Variants in RIMS2 observed in about 807,000 individuals in gnomAD.
The protein encoded by RIMS2 is regulating synaptic membrane exocytosis protein 2.
Under a neutral mutation model 174.4 loss-of-function variants are expected in RIMS2, and 59 were observed. The ratio of observed to expected loss-of-function variants is 0.34; its 90% CI spans 0.27 to 0.42. RIMS2 has a LOEUF of 0.42. RIMS2 is among the 10% of genes least tolerant of loss of function. RIMS2 has a pLI of 1.00. For synonymous variants in RIMS2, 606 were observed against 572.5 expected, an observed-to-expected ratio of 1.06 and a Z score of -0.84; for missense variants, 1,620 against 1,666.3, an observed-to-expected ratio of 0.97 and a Z score of 0.48.
At chr8:104,060,029 C>A (rs2096951010) in intron 19 of RIMS2, among the ~76,000 whole-genome samples, 1 of 151,746 alleles carries the variant, frequency 6.6e-6, no homozygotes, top group African/African-American at 2.4e-5. Context: ...GTCTAAAATT[C>A]TCTTTTTTGG....
At chr8:103,802,588 C>CT (rs1360562014) in intron 3 of RIMS2, among the ~76,000 whole-genome samples, 1 of 142,346 alleles carries the variant, frequency 7.0e-6, no homozygotes, top group African/African-American at 2.6e-5. Context: ...TTATTTAGAT[C>CT]TTTTTGTAAA....
intron 1 of RIMS2, among the ~76,000 whole-genome samples, chr8:103,532,035 G>A (rs1837428598): frequency 6.6e-6 from 1 of 152,174 alleles, no homozygotes; most frequent in Admixed American, 6.5e-5. Context: ...TAACTATTGT[G>A]TACTTCTAGT....
In RIMS2 at chr8:103,885,632, A is replaced by G. The variant is rs551774397; in HGVS notation, c.1033A>G (p.Lys345Glu). Residue 345 changes from lysine to glutamate, a missense_variant, in exon 4 of 24, where the codon AAG becomes GAG. Lys to Glu is a moderately conservative substitution (Grantham distance 56, BLOSUM62 1). Transcript: ENST00000504942. ...TCCGAATTTGGCCCGTTATCCAGTA[A>G]AGCCACAACCCTATGAAGAACAAAT... is the stretch of plus-strand genomic sequence containing the variant. The G allele has an allele frequency of 3.8e-5, 61 of 1,613,102 alleles. 1 individual carries two copies. In the South Asian group the frequency reaches 6.1e-4, roughly 16 times the overall value.
chr8:104,148,844 A>G (rs1275722616), intron 19 of RIMS2: 7 of 1,596,432 alleles, frequency 4.4e-6, no homozygotes, highest in Non-Finnish European at 5.9e-6. Flanking sequence ...AGCTCAGCCA[A>G]ACGGGTAGGA....
chr8:103,650,857 T>C (rs555055982), intron 1 of RIMS2, among the ~76,000 whole-genome samples: 1 of 152,340 alleles, frequency 6.6e-6, no homozygotes, highest in South Asian at 2.1e-4. Context: ...AGCCTGCTAC[T>C]ACCAGCTGGC....
At chr8:104,169,322 ATATATATATATATATAT>A (rs1219452399) in intron 19 of RIMS2, among the ~76,000 whole-genome samples, 1 of 57,804 alleles carries the variant, frequency 1.7e-5, no homozygotes, top group African/African-American at 7.6e-5. Context: ...ATATATATAT[ATATATATATATATATAT>A]AAAACAGATT....
chr8:103,863,095 G>A (rs2099066970), intron 3 of RIMS2, among the ~76,000 whole-genome samples: 1 of 152,120 alleles, frequency 6.6e-6, no homozygotes, highest in Non-Finnish European at 1.5e-5. Flanking sequence ...GATATTGGCT[G>A]TGGGTTTGTC....
intron 19 of RIMS2, among the ~76,000 whole-genome samples, chr8:104,084,255 A>G (rs1173931702): frequency 6.6e-6 from 1 of 151,978 alleles, no homozygotes; most frequent in East Asian, 1.9e-4. Flanking sequence ...ACCCTGGCCA[A>G]CATGGTGAAA....
chr8:103,983,446 C>T (rs78591425), intron 16 of RIMS2, among the ~76,000 whole-genome samples: 19,285 of 152,078 alleles, frequency 0.13, 1,684 homozygotes, highest in Non-Finnish European at 0.19. Flanking sequence ...CCAAAGCTAT[C>T]CTGAGCAAAA....
rs899763745 is a variant in RIMS2, at chr8:103,801,866, A to G, written c.698+35329A>G. Among the ~76,000 whole-genome samples the G allele has an allele frequency of 3.3e-5, 5 of 152,308 alleles. No individual in the cohort carries two copies. The South Asian group carries it at 6.2e-4, about 19-fold the overall frequency. ...TTTAACTATTTTATGCCAATATCCA[A>G]TGTCATAATCGGTGACATTTAATTG... On this transcript the variant is annotated intron_variant, in intron 3 of 23. Coordinates refer to ENST00000504942, the Ensembl canonical transcript of RIMS2.
At chr8:104,099,947 A>T (rs1049776556) in intron 19 of RIMS2, among the ~76,000 whole-genome samples, 3 of 151,448 alleles carry the variant, frequency 2.0e-5, no homozygotes, top group African/African-American at 7.3e-5. Flanking sequence ...CCTCCTGAAT[A>T]GTTGTGACTA....
intron 4 of RIMS2, among the ~76,000 whole-genome samples, chr8:103,905,910 G>A (rs1457863499): frequency 6.8e-6 from 1 of 147,468 alleles, no homozygotes; most frequent in Non-Finnish European, 1.5e-5. Context: ...TTTGCTTTTT[G>A]TATTTCAGTA....
intron 1 of RIMS2, among the ~76,000 whole-genome samples, chr8:103,668,018 A>C (rs12335106): frequency 0.18 from 26,740 of 152,084 alleles, 2,554 homozygotes; most frequent in African/African-American, 0.23. Flanking sequence ...ACCATGACAA[A>C]CTTTCTTTAA....
chr8:104,251,127 A>C (rs2099357790), exon 23 of RIMS2: 1 of 1,613,152 alleles, frequency 6.2e-7, no homozygotes, highest in Non-Finnish European at 8.5e-7. Context: ...AGCAGCTATT[A>C]TCTTTCGAAG....
Position 103,885,459 on chromosome 8 carries a change from A to T in RIMS2, c.860A>T (p.Asp287Val), listed in dbSNP as rs35925435. 654 of 1,612,648 alleles carry T rather than the reference A, an allele frequency of 4.1e-4. 1 individual carries two copies. In the African/African-American group the frequency reaches 7.7e-3, roughly 19 times the overall value. ...CAACATGAACCTCAGTTTTATGAAG[A>T]CTCTGATCATTTAAGTTATAGGGAC... Residue 287 changes from aspartate (D) to valine (V), a missense_variant, in exon 4 of 24, where the codon GAC becomes GTC. Physicochemically the swap from Asp to Val is radical, Grantham distance 152. Around this residue, in one of 2 missense-constraint regions of RIMS2, gnomAD observed 1,395 missense variants for 1,360.1 expected, o/e 1.03. Transcript: ENST00000504942.
intron 3 of RIMS2, among the ~76,000 whole-genome samples, chr8:103,829,378 G>T (rs2098811818): frequency 6.6e-6 from 1 of 152,088 alleles, no homozygotes; most frequent in African/African-American, 2.4e-5. Context: ...ATACCCAAAG[G>T]AATATAATTG....
intron 3 of RIMS2, among the ~76,000 whole-genome samples, chr8:103,866,814 T>C (rs184788681): frequency 6.6e-6 from 1 of 152,176 alleles, no homozygotes; most frequent in African/African-American, 2.4e-5. Context: ...CACAATCTTA[T>C]AACCACATTT....
intron 3 of RIMS2, among the ~76,000 whole-genome samples, chr8:103,875,770 C>G (rs2099133314): frequency 6.6e-6 from 1 of 151,936 alleles, no homozygotes; most frequent in African/African-American, 2.4e-5. Context: ...GTGCCAACAT[C>G]TATTGTTTTC....
intron 1 of RIMS2, among the ~76,000 whole-genome samples, chr8:103,502,637 CT>C (rs572245405): frequency 3.3e-5 from 5 of 151,482 alleles, no homozygotes; most frequent in East Asian, 3.9e-4. Flanking sequence ...CTGTGCTTAA[CT>C]TTTTTTTTGT....
Sources: allele counts gnomAD v4.1 joint callset (sites outside exome capture counted in the v4.1 genomes callset), GRCh38; gene constraint gnomAD v4.1.1; regional missense constraint gnomAD v4.1.1; transcripts MANE v1.5; gene names NCBI Gene and HGNC (gene_info 2026-07-23, HGNC 2026-07-21).